The following LEKR1 variants were observed in gnomAD, a reference collection of about 807,000 sequenced individuals.
LEKR1 encodes the protein leucine, glutamate and lysine rich 1, also known as protein LEKR1.
In LEKR1, 59 loss-of-function variants were observed where a neutral mutation model predicts 72.4. The ratio of observed to expected loss-of-function variants is 0.82; its 90% CI spans 0.66 to 1.01. The LOEUF (loss-of-function observed/expected upper bound fraction) is 1.01, where lower values mean the gene tolerates loss of function less well. Among genes scored for constraint, LEKR1 ranks in the 50% least tolerant of loss-of-function variants. The probability of loss-of-function intolerance (pLI) is 0.00; values close to 1 mark genes in which losing one functional copy is unlikely to be tolerated. For missense variants in LEKR1, 728 were observed against 759.2 expected, an observed-to-expected ratio of 0.96 and a Z score of 0.48; for synonymous variants, 257 against 263.2, an observed-to-expected ratio of 0.98 and a Z score of 0.23.
intron 3 of LEKR1, among the ~76,000 whole-genome samples, chr3:156,877,567 T>A (rs568397119): frequency 4.6e-5 from 7 of 152,270 alleles, no homozygotes; most frequent in Non-Finnish European, 4.4e-5. Flanking sequence ...TTTCCAGGAA[T>A]GTATCCATTT....
At chr3:156,830,584 T>A (rs73021801) in intron 2 of LEKR1, among the ~76,000 whole-genome samples, 3,230 of 152,300 alleles carry the variant, frequency 0.021, 128 homozygotes, top group African/African-American at 0.073. Flanking sequence ...AACCATGTAC[T>A]TTTTGCAAAA....
At chr3:157,042,530 T>A (rs1341494302) in intron 12 of LEKR1, among the ~76,000 whole-genome samples, 4 of 152,184 alleles carry the variant, frequency 2.6e-5, no homozygotes, top group Non-Finnish European at 5.9e-5. Flanking sequence ...TATGAGGACA[T>A]CTTTTGGCTC....
At chr3:157,013,589 G>A (rs1560147010) in intron 10 of LEKR1, among the ~76,000 whole-genome samples, 1 of 151,982 alleles carries the variant, frequency 6.6e-6, no homozygotes, top group African/African-American at 2.4e-5. Flanking sequence ...AGTATAAATG[G>A]ACATTTCATT....
intron 6 of LEKR1, among the ~76,000 whole-genome samples, chr3:156,959,876 C>T (rs1416228904): frequency 6.6e-6 from 1 of 152,036 alleles, no homozygotes; most frequent in Admixed American, 6.6e-5. Flanking sequence ...TTTGAATTCA[C>T]TTTTAGAATA....
chr3:156,984,670 C>T (rs532959084), intron 7 of LEKR1, among the ~76,000 whole-genome samples: 8 of 151,854 alleles, frequency 5.3e-5, no homozygotes, highest in Non-Finnish European at 1.2e-4. Context: ...GAGCGAGACT[C>T]GGTCTCAAAA....
chr3:156,836,324 G>A (rs763010213), intron 2 of LEKR1, among the ~76,000 whole-genome samples: 4 of 151,994 alleles, frequency 2.6e-5, no homozygotes, highest in Admixed American at 6.6e-5. Context: ...AATGGGGCCC[G>A]TGGTACCTCC....
chr3:156,973,055 A>T (rs1025553760), intron 6 of LEKR1, among the ~76,000 whole-genome samples: 5 of 152,162 alleles, frequency 3.3e-5, no homozygotes, highest in Non-Finnish European at 5.9e-5. Flanking sequence ...GACACATACC[A>T]GATAATATCA....
chr3:156,928,718 C>A (rs374641628), intron 5 of LEKR1, among the ~76,000 whole-genome samples: 1 of 152,004 alleles, frequency 6.6e-6, no homozygotes, highest in Non-Finnish European at 1.5e-5. Flanking sequence ...TCAGGCTTAT[C>A]CCTGAAATAC....
At chr3:156,858,802 A>G (rs1174833868) in intron 3 of LEKR1, among the ~76,000 whole-genome samples, 4 of 152,108 alleles carry the variant, frequency 2.6e-5, no homozygotes, top group Non-Finnish European at 5.9e-5. Context: ...ATTTAAAGCT[A>G]TTAAGTTTTC....
chr3:157,041,426 A>G (rs1186226647), intron 12 of LEKR1, among the ~76,000 whole-genome samples: 5 of 152,230 alleles, frequency 3.3e-5, no homozygotes, highest in Admixed American at 2.6e-4. Flanking sequence ...TAAACTTTCA[A>G]TGACTCCATA....
chr3:156,987,095 A>G (rs1730759836), intron 7 of LEKR1, among the ~76,000 whole-genome samples: 2 of 131,086 alleles, frequency 1.5e-5, no homozygotes, highest in South Asian at 2.6e-4. Flanking sequence ...TTGTATTGGC[A>G]GGAGCAGCAG....
intron 6 of LEKR1, among the ~76,000 whole-genome samples, chr3:156,975,168 G>C (rs1729582492): frequency 6.6e-6 from 1 of 152,094 alleles, no homozygotes; most frequent in Non-Finnish European, 1.5e-5. Flanking sequence ...TTTGAAATTA[G>C]GCAGTCTGGC....
intron 9 of LEKR1, among the ~76,000 whole-genome samples, chr3:157,002,237 G>A (rs780223596): frequency 2.6e-5 from 4 of 151,978 alleles, no homozygotes; most frequent in Non-Finnish European, 4.4e-5. Context: ...CTTATAACAT[G>A]GAAAAATATG....
At chr3:156,920,867 T>C (rs576260505) in intron 4 of LEKR1, 173 bp downstream of exon 4, 1 of 430,952 alleles carries the variant, frequency 2.3e-6, no homozygotes, top group South Asian at 3.6e-5. Context: ...CAATGAATAG[T>C]GTTGCTAATT....
chr3:157,008,525 G>A (rs2108020860), intron 9 of LEKR1, among the ~76,000 whole-genome samples: 1 of 152,174 alleles, frequency 6.6e-6, no homozygotes, highest in East Asian at 1.9e-4. Flanking sequence ...CATTATCTTT[G>A]AAGTTTTCTT....
chr3:156,903,779 T>C (rs1560068147), intron 3 of LEKR1, among the ~76,000 whole-genome samples: 1 of 152,212 alleles, frequency 6.6e-6, no homozygotes, highest in African/African-American at 2.4e-5. Flanking sequence ...ACTTCTTACA[T>C]CTACTGCTAC....
chr3:157,024,027 C>T (rs1334431231), intron 10 of LEKR1, among the ~76,000 whole-genome samples: 3 of 152,130 alleles, frequency 2.0e-5, no homozygotes, highest in Non-Finnish European at 2.9e-5. Context: ...AGCTGTTTGC[C>T]CTCATGATCA....
At chr3:156,856,105 G>A (rs769812015) in intron 3 of LEKR1, among the ~76,000 whole-genome samples, 8 of 152,178 alleles carry the variant, frequency 5.3e-5, no homozygotes, top group Admixed American at 1.3e-4. Context: ...TATAGTATTA[G>A]AATTAGCTTT....
chr3:157,021,617 T>G (rs1017325370), intron 10 of LEKR1, among the ~76,000 whole-genome samples: 1 of 152,184 alleles, frequency 6.6e-6, no homozygotes, highest in Non-Finnish European at 1.5e-5. Context: ...CTCACTGTCT[T>G]AATTTGAGCA....
Sources: allele counts gnomAD v4.1 joint callset (sites outside exome capture counted in the v4.1 genomes callset), GRCh38; gene constraint gnomAD v4.1.1; transcripts MANE v1.5; gene names NCBI Gene and HGNC (gene_info 2026-07-23, HGNC 2026-07-21).